TNRC6A: variants seen among roughly 807,000 people sequenced by gnomAD.
TNRC6A encodes trinucleotide repeat containing adaptor 6A.
In TNRC6A, 44 loss-of-function variants were observed where a neutral mutation model predicts 221.2. The ratio of observed to expected loss-of-function variants is 0.20; its 90% CI spans 0.16 to 0.26. TNRC6A has a LOEUF of 0.26. Among genes scored for constraint, TNRC6A ranks in the 10% least tolerant of loss-of-function variants. TNRC6A has a pLI of 1.00. For missense variants in TNRC6A, 2,199 were observed against 2,404.4 expected (o/e 0.91, Z 1.79); for synonymous variants, 847 against 838.5 (o/e 1.01, Z -0.18).
chr16:24,779,943 G>T (rs2057804312), intron 5 of TNRC6A, among the ~76,000 whole-genome samples: 1 of 152,172 alleles, frequency 6.6e-6, no homozygotes, highest in Non-Finnish European at 1.5e-5. Flanking sequence ...TTGGGGCTGT[G>T]CCTCAGACAC....
rs1555495661 is a variant in TNRC6A at position 24,729,690 on chromosome 16, G to GCGGCGGCGGCGGTGT, written c.-140_-139insTGTCGGCGGCGGCGG. On this transcript the variant is annotated 5_prime_UTR_variant, in exon 1 of 25. Coordinates refer to ENST00000395799, the MANE Select transcript of TNRC6A (RefSeq NM_014494.4). The stretch of plus-strand genomic sequence containing the variant: ...GCCTGCGGCGGCGGCGGTGTCGGCG[G>GCGGCGGCGGCGGTGT]CGGCGGCGGCGGCGGCGGCGGCGGC... The GCGGCGGCGGCGGTGT allele has an allele frequency of 1.7e-6, 1 of 582,826 alleles. No individual in the cohort carries two copies. The highest frequency in any genetic ancestry group is 2.4e-5 in the African/African-American group (1 of 42,508). 36.1% of individuals were successfully genotyped at this position (582,826 alleles called of 1,614,324 possible).
At chr16:24,780,520 G>A (rs540662911) in intron 5 of TNRC6A, among the ~76,000 whole-genome samples, 1 of 152,228 alleles carries the variant, frequency 6.6e-6, no homozygotes, top group South Asian at 2.1e-4. Context: ...TTCACAGTAT[G>A]TTAGTGTTTA....
intron 2 of TNRC6A, among the ~76,000 whole-genome samples, chr16:24,659,532 C>T (rs1309663178): frequency 1.3e-5 from 2 of 151,638 alleles, no homozygotes; most frequent in Non-Finnish European, 2.9e-5. Context: ...AGCCTCTGTC[C>T]CCTGGGCTCA....
chr16:24,821,939 C>A, intron 22 of TNRC6A, 138 bp from the exon 23 acceptor site: 1 of 783,400 alleles, frequency 1.3e-6, no homozygotes, highest in Non-Finnish European at 2.2e-6. Flanking sequence ...AGCTGAAATT[C>A]TGGGCCTAGG....
At chr16:24,688,635 G>T (rs1186988893) in intron 2 of TNRC6A, among the ~76,000 whole-genome samples, 4 of 152,210 alleles carry the variant, frequency 2.6e-5, no homozygotes, top group African/African-American at 9.7e-5. Flanking sequence ...CCAGAGGGAA[G>T]TCAGACAAGG....
At chr16:24,648,502 C>T (rs562595092) in intron 2 of TNRC6A, among the ~76,000 whole-genome samples, 1 of 152,010 alleles carries the variant, frequency 6.6e-6, no homozygotes, top group South Asian at 2.1e-4. Context: ...GATCTCCTGA[C>T]CTCATGATTC....
intron 2 of TNRC6A, among the ~76,000 whole-genome samples, chr16:24,718,168 A>C (rs1174572402): frequency 6.6e-6 from 1 of 152,178 alleles, no homozygotes; most frequent in East Asian, 1.9e-4. Flanking sequence ...CACTGAATGC[A>C]GCAGACAAGT....
rs774376308 is a variant in TNRC6A at position 24,730,205 on chromosome 16, T to G, written c.6-48T>G. ...CTCCGTTTTCACGCGCATCTCGTTT[T>G]TGTGTGTGTGTTTTTGTTTTGTTTT... On this transcript the variant is annotated intron_variant, in intron 1 of 24. Coordinates refer to ENST00000395799, the MANE Select transcript of TNRC6A (RefSeq NM_014494.4). 7.0e-6 allele frequency: 11 copies of G among 1,564,228 alleles called. No homozygotes were observed. The East Asian group carries it at 2.4e-4, about 34-fold the overall frequency.
chr16:24,805,548 G>A lies in TNRC6A; in HGVS notation c.4123-57G>A, dbSNP rs756704593. 7.8e-5 allele frequency: 125 copies of A among 1,600,792 alleles called. No individual in the cohort carries two copies. In the Middle Eastern group the frequency reaches 3.8e-3, roughly 49 times the overall value. ...ATTGACAACTGAAAACACACAGTAC[G>A]TGTAGTTAGTGTGAGTTATTTTATC... On this transcript the variant is annotated intron_variant, in intron 14 of 24. Coordinates refer to ENST00000395799, the MANE Select transcript of TNRC6A (RefSeq NM_014494.4).
chr16:24,620,622 A>G (rs1269437099), intron 1 of TNRC6A, among the ~76,000 whole-genome samples: 2 of 152,020 alleles, frequency 1.3e-5, no homozygotes, highest in Non-Finnish European at 2.9e-5. Flanking sequence ...AGCTTGACCA[A>G]TATAATGAAA....
chr16:24,696,742 A>AAAAAAAAAAG (rs1555490668), intron 2 of TNRC6A, among the ~76,000 whole-genome samples: 1 of 146,732 alleles, frequency 6.8e-6, no homozygotes, highest in East Asian at 2.0e-4. Context: ...AAAAAAAAAA[A>AAAAAAAAAAG]AAAGAAAGGA....
rs1274899204 is a variant in TNRC6A at position 24,777,304 on chromosome 16, A to G, written c.535A>G (p.Thr179Ala). 8 of 1,614,044 alleles carry G rather than the reference A, an allele frequency of 5.0e-6. No homozygotes were observed. The highest frequency in any genetic ancestry group is 2.7e-5 in the African/African-American group (2 of 75,066). The part of the protein sequence containing the change: ...LNSQSESSAL[T>A]NQQPQNNGEV... ...CAGCCAGTCAGAAAGCAGTGCTTTA[A>G]CAAATCAACAGCCACAAAATAACGG... The change falls in exon 5 of 25, where the codon ACA becomes GCA. Residue 179 changes from threonine (T) to alanine (A), a missense_variant. Physicochemically the swap from Thr to Ala is moderately conservative, Grantham distance 58. Coordinates refer to ENST00000395799, the MANE Select transcript of TNRC6A (RefSeq NM_014494.4).
upstream of TNRC6A, among the ~76,000 whole-genome samples, chr16:24,727,086 A>G (rs2056505157): frequency 1.4e-5 from 2 of 144,924 alleles, no homozygotes; most frequent in South Asian, 4.3e-4. Context: ...CTGGAGTGCA[A>G]TGGTGTGATC....
intron 2 of TNRC6A, among the ~76,000 whole-genome samples, chr16:24,711,537 T>C (rs568622282): frequency 2.6e-5 from 4 of 152,330 alleles, no homozygotes; most frequent in Admixed American, 2.0e-4. Flanking sequence ...TCTATGACTA[T>C]AGAATAATTT....
intron 4 of TNRC6A, among the ~76,000 whole-genome samples, chr16:24,765,393 G>A (rs972524424): frequency 6.6e-6 from 1 of 152,176 alleles, no homozygotes; most frequent in Non-Finnish European, 1.5e-5. Context: ...GTCAAGTCTA[G>A]TCACCCCATC....
intron 2 of TNRC6A, among the ~76,000 whole-genome samples, chr16:24,739,137 G>A (rs976709238): frequency 7.9e-5 from 12 of 152,182 alleles, no homozygotes; most frequent in African/African-American, 2.9e-4. Context: ...ATTCTCATCA[G>A]CAATGTATGG....
intron 2 of TNRC6A, among the ~76,000 whole-genome samples, chr16:24,720,640 G>A (rs1408946503): frequency 7.1e-6 from 1 of 139,874 alleles, no homozygotes; most frequent in East Asian, 2.1e-4. Flanking sequence ...GCAGTGAGCC[G>A]AGATCATGCC....
intron 2 of TNRC6A, among the ~76,000 whole-genome samples, chr16:24,690,601 A>G (rs1177261948): frequency 6.6e-6 from 1 of 152,148 alleles, no homozygotes; most frequent in Non-Finnish European, 1.5e-5. Context: ...AAAGTCAGTG[A>G]TGTGAAGAAA....
At chr16:24,821,844 G>A (rs1007704234) in intron 22 of TNRC6A, 15 of 557,604 alleles carry the variant, frequency 2.7e-5, no homozygotes, top group Admixed American at 2.4e-4. Flanking sequence ...CTCCTCTGTG[G>A]TGAACTGGGA....
Sources: allele counts gnomAD v4.1 joint callset (sites outside exome capture counted in the v4.1 genomes callset), GRCh38; gene constraint gnomAD v4.1.1; transcripts MANE v1.5; gene names NCBI Gene and HGNC (gene_info 2026-07-23, HGNC 2026-07-21).